Variants in COL19A1 observed in about 807,000 individuals in gnomAD.
COL19A1 encodes the protein collagen alpha-1(XIX) chain.
In COL19A1, 159 loss-of-function variants were observed where a neutral mutation model predicts 190.2. The observed-to-expected ratio is 0.84, with a 90% CI of 0.73 to 0.95. The LOEUF (loss-of-function observed/expected upper bound fraction) is 0.95. COL19A1 is among the 40% of genes least tolerant of loss of function. COL19A1 has a pLI of 0.00. For missense variants in COL19A1, 1,418 were observed against 1,431.9 expected, an observed-to-expected ratio of 0.99 and a Z score of 0.16; for synonymous variants, 509 against 458.9, an observed-to-expected ratio of 1.11 and a Z score of -1.39.
chr6:69,966,707 C>T (rs1775128448), intron 11 of COL19A1, among the ~76,000 whole-genome samples: 1 of 151,678 alleles, frequency 6.6e-6, no homozygotes, highest in Admixed American at 6.6e-5. Flanking sequence ...CTTCCCTCCA[C>T]TATTGTCCTA....
intron 16 of COL19A1, among the ~76,000 whole-genome samples, chr6:70,113,224 C>T (rs1784380387): frequency 6.6e-6 from 1 of 152,174 alleles, no homozygotes; most frequent in Admixed American, 6.5e-5. Flanking sequence ...ATAAGCATGT[C>T]GCTGCCAGCT....
intron 12 of COL19A1, among the ~76,000 whole-genome samples, chr6:70,032,535 G>A (rs1033828226): frequency 1.3e-5 from 2 of 152,034 alleles, no homozygotes; most frequent in Non-Finnish European, 2.9e-5. Context: ...AAAGGGAACA[G>A]GAGAAAATAC....
intron 4 of COL19A1, among the ~76,000 whole-genome samples, chr6:69,921,468 ATT>A (rs1491530674): frequency 2.7e-5 from 3 of 112,484 alleles, no homozygotes; most frequent in Non-Finnish European, 5.0e-5. Context: ...TATCATATAT[ATT>A]CATATATTCA....
At chr6:69,976,533 G>T (rs1437357121) in intron 11 of COL19A1, among the ~76,000 whole-genome samples, 1 of 152,120 alleles carries the variant, frequency 6.6e-6, no homozygotes, top group East Asian at 1.9e-4. Context: ...TAGGACCTGT[G>T]GGAAGGAAGA....
At position 70,206,882 on chromosome 6, in the gene COL19A1, T is replaced by G. The variant is rs141452464; in HGVS notation, c.3224-19T>G. On this transcript the variant is annotated intron_variant, in intron 49 of 50. Coordinates refer to ENST00000620364, the MANE Select transcript of COL19A1 (RefSeq NM_001858.6). ...AGAACCCTTTTTGTGTGTCTCTTTT[T>G]TATATATTTCTCACTTAGGCTACAG... 5.0e-4 allele frequency: 811 copies of G among 1,607,514 alleles called. 2 individuals carry two copies. The African/African-American group carries it at 9.2e-3, about 18-fold the overall frequency.
At position 69,900,273 on chromosome 6, in the gene COL19A1, T is replaced by C. The variant is rs762636770; in HGVS notation, c.201T>C (p.Arg67=). The change falls in exon 4 of 51, where the codon CGT becomes CGC. Residue 67 remains arginine, a synonymous_variant. Coordinates refer to ENST00000620364, the MANE Select transcript of COL19A1 (RefSeq NM_001858.6). ...FDLGDSFSLR[R]AFCESDKTCF... ...TAGGAGACAGCTTTTCTCTAAGACG[T>C]GCATTTTGTGAAAGTGATAAAACCT... 133 of 1,597,698 alleles carry C rather than the reference T, an allele frequency of 8.3e-5. No individual in the cohort carries two copies. Among genetic ancestry groups the C allele is most frequent in the Non-Finnish European group, 1.1e-4 (127 of 1,171,646 alleles).
At chr6:70,112,616 T>TA (rs2150200779) in intron 16 of COL19A1, among the ~76,000 whole-genome samples, 1 of 152,238 alleles carries the variant, frequency 6.6e-6, no homozygotes, top group South Asian at 2.1e-4. Flanking sequence ...TTTAAATATA[T>TA]TTTTTTCTGC....
intron 16 of COL19A1, among the ~76,000 whole-genome samples, chr6:70,112,115 G>T (rs1276249241): frequency 6.6e-6 from 1 of 152,068 alleles, no homozygotes. Flanking sequence ...CTGCCTGTGG[G>T]GTCCATGTAA....
chr6:70,041,173 A>G (rs1470073061), intron 14 of COL19A1, among the ~76,000 whole-genome samples: 1 of 152,224 alleles, frequency 6.6e-6, no homozygotes, highest in Non-Finnish European at 1.5e-5. Flanking sequence ...ATTTTCAGCA[A>G]ATACAGCTAG....
chr6:70,101,026 G>A (rs1783594777), intron 15 of COL19A1, among the ~76,000 whole-genome samples: 1 of 152,060 alleles, frequency 6.6e-6, no homozygotes, highest in African/African-American at 2.4e-5. Flanking sequence ...AAAATCAGAG[G>A]AATCAGGCAA....
At chr6:70,120,175 G>A (rs1398100020) in intron 16 of COL19A1, among the ~76,000 whole-genome samples, 1 of 152,114 alleles carries the variant, frequency 6.6e-6, no homozygotes, top group South Asian at 2.1e-4. Flanking sequence ...TAATTTTTAT[G>A]CTATATTTAA....
chr6:69,966,640 G>T (rs1775125113), intron 11 of COL19A1, among the ~76,000 whole-genome samples: 1 of 151,858 alleles, frequency 6.6e-6, no homozygotes, highest in Non-Finnish European at 1.5e-5. Flanking sequence ...GTGGAAGGCA[G>T]CAGGGCCCTC....
At chr6:69,985,988 A>G (rs1022134337) in intron 11 of COL19A1, among the ~76,000 whole-genome samples, 2 of 151,998 alleles carry the variant, frequency 1.3e-5, no homozygotes, top group African/African-American at 4.8e-5. Flanking sequence ...TCTTCATGTC[A>G]TATTCTACTT....
At chr6:69,987,927 G>A (rs779813263) in intron 11 of COL19A1, among the ~76,000 whole-genome samples, 55 of 152,134 alleles carry the variant, frequency 3.6e-4, no homozygotes, top group Admixed American at 1.2e-3. Context: ...TGAACATCTA[G>A]TTCTGACATG....
chr6:69,870,399 C>T (rs929831016), intron 1 of COL19A1, among the ~76,000 whole-genome samples: 7 of 152,164 alleles, frequency 4.6e-5, no homozygotes, highest in African/African-American at 1.4e-4. Context: ...AGTGAACTCT[C>T]CCTGGTATGA....
chr6:70,190,334 A>G lies in COL19A1; in HGVS notation c.3047A>G (p.Glu1016Gly). Residue 1016 changes from glutamate to glycine, a missense_variant, in exon 48 of 51, where the codon GAA (glutamate) becomes GGA (glycine). Coordinates refer to ENST00000620364, the MANE Select transcript of COL19A1 (RefSeq NM_001858.6). ...CTTCAGGCTGATGCAGTTTCATTTGAAGAAATAAAGAAGTATATTAATCAA... is the reference window on the plus strand; with the variant it reads ...CTTCAGGCTGATGCAGTTTCATTTGGAGAAATAAAGAAGTATATTAATCAA... ...PGIPADAVSF[E>G]EIKKYINQEV... The G allele has an allele frequency of 6.2e-7, 1 of 1,605,606 alleles. No homozygotes were observed. Among genetic ancestry groups the G allele is most frequent in the Non-Finnish European group, 8.5e-7 (1 of 1,173,904 alleles).
intron 14 of COL19A1, chr6:70,059,753 C>G (rs1190543867): frequency 5.7e-6 from 3 of 526,216 alleles, no homozygotes; most frequent in East Asian, 5.5e-5. Flanking sequence ...AGATGTTTAC[C>G]TTGTGAAAAT....
intron 7 of COL19A1, among the ~76,000 whole-genome samples, chr6:69,933,930 A>G (rs1772943098): frequency 6.6e-6 from 1 of 152,054 alleles, no homozygotes; most frequent in African/African-American, 2.4e-5. Flanking sequence ...CAGAAAGAGC[A>G]TATGAAAAGT....
chr6:69,970,147 T>G (rs1044682683), intron 11 of COL19A1, among the ~76,000 whole-genome samples: 4 of 152,180 alleles, frequency 2.6e-5, no homozygotes, highest in African/African-American at 9.6e-5. Context: ...AGGGGCCATT[T>G]TATAATAAAT....
Sources: gnomAD v4.1 joint callset for allele counts (sites outside exome capture counted in the v4.1 genomes callset) on GRCh38, gnomAD v4.1.1 for gene constraint, MANE v1.5 for transcripts, NCBI Gene and HGNC (gene_info 2026-07-23, HGNC 2026-07-21) for gene names.